NAA11: variants seen among roughly 807,000 people sequenced by gnomAD.
NAA11 encodes the protein N-alpha-acetyltransferase 11, NatA catalytic subunit.
In NAA11, 15 loss-of-function variants were observed where a neutral mutation model predicts 16.1. The observed-to-expected ratio is 0.93, with a 90% CI of 0.62 to 1.44. The LOEUF (loss-of-function observed/expected upper bound fraction) is 1.44. NAA11 is among the 40% of genes most tolerant of loss of function. NAA11 has a pLI of 0.00. For synonymous variants in NAA11, 122 were observed against 112.4 expected, an observed-to-expected ratio of 1.09 and a Z score of -0.54; for missense variants, 298 against 291.3, an observed-to-expected ratio of 1.02 and a Z score of -0.17.
intron 2 of NAA11, among the ~76,000 whole-genome samples, chr4:79,251,174 C>A (rs978209974): frequency 6.6e-6 from 1 of 152,116 alleles, no homozygotes; most frequent in African/African-American, 2.4e-5. Flanking sequence ...ACGCATGTAC[C>A]CTTATGTTCA....
At chr4:79,181,347 T>C in the NAA11 span, among the ~76,000 whole-genome samples, 4 of 152,168 alleles carry the variant, frequency 2.6e-5, no homozygotes, top group Admixed American at 2.6e-4. Context: ...CCCATGTGAC[T>C]TTCTTGCCCT....
At chr4:79,281,088 C>T (rs559672949) in intron 2 of NAA11, among the ~76,000 whole-genome samples, 1 of 152,124 alleles carries the variant, frequency 6.6e-6, no homozygotes, top group Non-Finnish European at 1.5e-5. Context: ...CTCACCAATT[C>T]CTCACAGCTG....
At chr4:79,176,609 TA>T in the NAA11 span, among the ~76,000 whole-genome samples, 1 of 152,108 alleles carries the variant, frequency 6.6e-6, no homozygotes, top group Non-Finnish European at 1.5e-5. Context: ...GTCCACTGAT[TA>T]AAATGTTAGT....
chr4:79,316,874 A>G lies in NAA11; in HGVS notation c.*930T>C, dbSNP rs1723942685. On this transcript the variant is annotated 3_prime_UTR_variant, in exon 2 of 2. Transcript: ENST00000286794. The stretch of plus-strand genomic sequence containing the variant: ...ATAAAATGCAAAGAGTAGGAACAGA[A>G]AAGTAGAAGGAACTTTGGCTTTGAA... 1 of 152,204 alleles carries G rather than the reference A, an allele frequency of 6.6e-6. No homozygotes were observed. The highest frequency in any genetic ancestry group is 1.5e-5 in the Non-Finnish European group (1 of 68,028). 9.4% of individuals were successfully genotyped at this position (152,204 alleles called of 1,614,324 possible). A position where few individuals can be genotyped will look rare whatever the true frequency, so the allele number is the denominator to read the frequency against.
chr4:79,276,599 C>A (rs1722650045), intron 2 of NAA11, among the ~76,000 whole-genome samples: 1 of 152,122 alleles, frequency 6.6e-6, no homozygotes, highest in African/African-American at 2.4e-5. Flanking sequence ...AGCCCTTGTT[C>A]ATCCCCAAGT....
At chr4:79,261,973 T>C (rs1231008910) in intron 2 of NAA11, among the ~76,000 whole-genome samples, 3 of 152,196 alleles carry the variant, frequency 2.0e-5, no homozygotes, top group Non-Finnish European at 4.4e-5. Flanking sequence ...CCACTTGCTC[T>C]CATTTTTTTT....
intron 2 of NAA11, among the ~76,000 whole-genome samples, chr4:79,261,492 A>AT (rs1211194892): frequency 1.3e-5 from 2 of 152,184 alleles, no homozygotes; most frequent in East Asian, 3.8e-4. Flanking sequence ...TTTTACATTA[A>AT]TTTTTAATAC....
intron 2 of NAA11, among the ~76,000 whole-genome samples, chr4:79,280,758 T>C (rs988051033): frequency 2.0e-5 from 3 of 152,024 alleles, no homozygotes; most frequent in African/African-American, 7.2e-5. Context: ...TAACACATGA[T>C]TTTAATTAAT....
At chr4:79,247,649 G>A (rs555783747) in intron 2 of NAA11, among the ~76,000 whole-genome samples, 10 of 152,220 alleles carry the variant, frequency 6.6e-5, no homozygotes, top group Admixed American at 6.5e-4. Context: ...TCAGAGGGAA[G>A]GCATTGAGAG....
intron 2 of NAA11, among the ~76,000 whole-genome samples, chr4:79,231,657 G>T (rs995616802): frequency 6.6e-6 from 1 of 151,670 alleles, no homozygotes; most frequent in Non-Finnish European, 1.5e-5. Context: ...CATAAAAAAG[G>T]GACAATTAGA....
intron 1 of NAA11, among the ~76,000 whole-genome samples, chr4:79,309,790 A>G (rs903619908): frequency 2.2e-4 from 29 of 132,384 alleles, no homozygotes; most frequent in African/African-American, 8.4e-4. Context: ...ATCTCGGCTC[A>G]CTGCAACCTC....
At chr4:79,281,889 GAAC>G (rs2109987113) in intron 2 of NAA11, among the ~76,000 whole-genome samples, 1 of 152,102 alleles carries the variant, frequency 6.6e-6, no homozygotes, top group African/African-American at 2.4e-5. Flanking sequence ...AAACAAAATA[GAAC>G]AACAACAACA....
chr4:79,260,414 T>G (rs966108854), intron 2 of NAA11, among the ~76,000 whole-genome samples: 4 of 152,208 alleles, frequency 2.6e-5, no homozygotes, highest in Non-Finnish European at 4.4e-5. Context: ...TTTAAATCAG[T>G]TTCCAGATTA....
chr4:79,293,377 A>G (rs185423389), intron 2 of NAA11, among the ~76,000 whole-genome samples: 8 of 152,368 alleles, frequency 5.3e-5, no homozygotes, highest in Non-Finnish European at 1.2e-4. Context: ...GAGAATCCCA[A>G]TAATATTCTA....
intron 2 of NAA11, among the ~76,000 whole-genome samples, chr4:79,259,688 C>CACATTAAT (rs1481354194): frequency 6.6e-6 from 1 of 152,234 alleles, no homozygotes; most frequent in Non-Finnish European, 1.5e-5. Context: ...TTCAAACATA[C>CACATTAAT]ACATTAATTT....
chr4:79,296,497 TTTC>T (rs1723226697), intron 1 of NAA11, among the ~76,000 whole-genome samples: 1 of 152,220 alleles, frequency 6.6e-6, no homozygotes, highest in Admixed American at 6.5e-5. Context: ...CCTCCCTTTA[TTTC>T]TTTTCTTACC....
chr4:79,212,303 T>C, the NAA11 span, among the ~76,000 whole-genome samples: 5 of 152,150 alleles, frequency 3.3e-5, no homozygotes, highest in African/African-American at 1.2e-4. Flanking sequence ...GTTATTAAAG[T>C]TTTTCTTTTC....
the NAA11 span, among the ~76,000 whole-genome samples, chr4:79,166,607 G>A: frequency 7.0e-6 from 1 of 142,996 alleles, no homozygotes; most frequent in Middle Eastern, 3.5e-3. Flanking sequence ...AGGATTACAG[G>A]TATTGTAATC....
chr4:79,221,602 CA>C (rs1359630467), downstream of NAA11, among the ~76,000 whole-genome samples: 1 of 117,958 alleles, frequency 8.5e-6, no homozygotes, highest in African/African-American at 2.8e-5. Flanking sequence ...TGAATTTTGT[CA>C]AAGGCTTTTT....
Sources: gnomAD v4.1 joint callset for allele counts (sites outside exome capture counted in the v4.1 genomes callset) on GRCh38, gnomAD v4.1.1 for gene constraint, MANE v1.5 for transcripts, NCBI Gene and HGNC (gene_info 2026-07-23, HGNC 2026-07-21) for gene names.